SPAG16: variants seen among roughly 807,000 people sequenced by gnomAD.
SPAG16 encodes sperm-associated antigen 16 protein.
SPAG16 carries 86 observed loss-of-function variants against 80.4 expected under a neutral mutation model. That is an observed-to-expected ratio of 1.07 (90% CI 0.90 to 1.28). SPAG16 has a LOEUF of 1.28. Ranked by LOEUF, SPAG16 falls within the 50% of genes most tolerant of loss-of-function variation. The pLI is 0.00. For missense variants in SPAG16, 870 were observed against 765.3 expected (o/e 1.14, Z -1.61); for synonymous variants, 294 against 265.9 (o/e 1.11, Z -1.03).
intron 12 of SPAG16, among the ~76,000 whole-genome samples, chr2:213,954,479 TG>T (rs976696393): frequency 1.3e-5 from 2 of 152,148 alleles, no homozygotes; most frequent in African/African-American, 4.8e-5. Context: ...TACAGGTTTT[TG>T]TTTGGACATA....
At chr2:214,317,580 A>G (rs1439006861) in intron 15 of SPAG16, among the ~76,000 whole-genome samples, 2 of 152,266 alleles carry the variant, frequency 1.3e-5, no homozygotes, top group African/African-American at 4.8e-5. Flanking sequence ...AATGTAAAAA[A>G]TGGAAGCTTT....
intron 11 of SPAG16, among the ~76,000 whole-genome samples, 176 bp from the exon 12 acceptor site, chr2:213,929,784 A>C (rs184249842): frequency 2.6e-4 from 39 of 152,334 alleles, no homozygotes; most frequent in Admixed American, 1.4e-3. Context: ...AAGCAATTCA[A>C]GTTAGCAATT....
intron 13 of SPAG16, among the ~76,000 whole-genome samples, chr2:214,051,048 C>A (rs1226678870): frequency 6.6e-6 from 1 of 152,168 alleles, no homozygotes; most frequent in Non-Finnish European, 1.5e-5. Flanking sequence ...ACCATGCAAT[C>A]ATAGCAGTGT....
At chr2:213,912,050 A>T (rs1034810470) in intron 11 of SPAG16, among the ~76,000 whole-genome samples, 3 of 152,158 alleles carry the variant, frequency 2.0e-5, no homozygotes, top group African/African-American at 7.2e-5. Flanking sequence ...TAGCTAGGTT[A>T]TTCTGTAAAC....
intron 9 of SPAG16, among the ~76,000 whole-genome samples, chr2:213,487,814 T>G (rs952655137): frequency 2.8e-4 from 42 of 152,036 alleles, no homozygotes; most frequent in Admixed American, 2.6e-3. Context: ...GGATCCATCT[T>G]GCTATATTTT....
At chr2:213,372,526 G>A (rs1226053169) in intron 8 of SPAG16, among the ~76,000 whole-genome samples, 1 of 152,030 alleles carries the variant, frequency 6.6e-6, no homozygotes. Context: ...TTGCTGCTCA[G>A]AATTGCATTA....
intron 10 of SPAG16, among the ~76,000 whole-genome samples, chr2:213,639,337 C>G (rs994741829): frequency 6.6e-6 from 1 of 152,072 alleles, no homozygotes; most frequent in African/African-American, 2.4e-5. Flanking sequence ...TTTTATAGGT[C>G]CTATGAGATT....
intron 9 of SPAG16, among the ~76,000 whole-genome samples, chr2:213,409,388 TAAAA>T (rs1297188668): frequency 6.6e-6 from 1 of 152,168 alleles, no homozygotes; most frequent in African/African-American, 2.4e-5. Flanking sequence ...ATTAACAGGT[TAAAA>T]AATATATATT....
chr2:214,231,853 CTT>C (rs1390534449), intron 15 of SPAG16, among the ~76,000 whole-genome samples: 1 of 151,972 alleles, frequency 6.6e-6, no homozygotes, highest in Non-Finnish European at 1.5e-5. Context: ...TTCAATGTGA[CTT>C]TTATTTCTTT....
chr2:213,676,746 G>T (rs1264621612), intron 10 of SPAG16, among the ~76,000 whole-genome samples: 1 of 150,652 alleles, frequency 6.6e-6, no homozygotes, highest in Non-Finnish European at 1.5e-5. Context: ...CTTGATCATG[G>T]TGGATAAGCT....
In SPAG16 at chr2:213,768,038, T is replaced by A. The variant is rs934832611; in HGVS notation, c.1071-94447T>A. 7.2e-5 allele frequency among the ~76,000 whole-genome samples: 11 copies of A among 152,300 alleles called. No individual in the cohort carries two copies. In the East Asian group the frequency reaches 1.9e-3, roughly 27 times the overall value. ...TTTGGCAATGGTGGGTAAGTTTGACTGCTTTTTAAGATCTTATCCCCAAAT... is the reference window on the plus strand; with the variant it reads ...TTTGGCAATGGTGGGTAAGTTTGACAGCTTTTTAAGATCTTATCCCCAAAT... On this transcript the variant is annotated intron_variant, in intron 10 of 15. Transcript: ENST00000331683.
intron 10 of SPAG16, among the ~76,000 whole-genome samples, chr2:213,502,463 A>C (rs1271945460): frequency 6.6e-6 from 1 of 152,160 alleles, no homozygotes; most frequent in African/African-American, 2.4e-5. Flanking sequence ...TTTATAAATA[A>C]AAATATTTTA....
intron 1 of SPAG16, among the ~76,000 whole-genome samples, chr2:213,294,066 T>C (rs1350887328): frequency 1.3e-5 from 2 of 152,290 alleles, no homozygotes; most frequent in African/African-American, 2.4e-5. Context: ...GCAACGTTGA[T>C]GAACATCCCC....
At chr2:214,396,303 T>C (rs1416199176) in intron 15 of SPAG16, among the ~76,000 whole-genome samples, 1 of 152,150 alleles carries the variant, frequency 6.6e-6, no homozygotes, top group Non-Finnish European at 1.5e-5. Context: ...TGATTATATT[T>C]AGTATCTTCA....
At chr2:213,700,567 A>G (rs2065361623) in intron 10 of SPAG16, among the ~76,000 whole-genome samples, 1 of 152,192 alleles carries the variant, frequency 6.6e-6, no homozygotes, top group Admixed American at 6.5e-5. Flanking sequence ...TGAAGGGATA[A>G]TCATGCTATG....
chr2:213,593,008 T>C (rs914655805), intron 10 of SPAG16, among the ~76,000 whole-genome samples: 1 of 145,728 alleles, frequency 6.9e-6, no homozygotes, highest in Non-Finnish European at 1.5e-5. Flanking sequence ...AACACCACCA[T>C]GTTTTCCTGA....
chr2:214,175,235 A>G (rs1263845483), intron 15 of SPAG16, among the ~76,000 whole-genome samples: 1 of 104,114 alleles, frequency 9.6e-6, no homozygotes, highest in African/African-American at 3.0e-5. Context: ...ATATATATAT[A>G]TAAAGAAATG....
chr2:214,313,681 CT>C (rs1695483988), intron 15 of SPAG16, among the ~76,000 whole-genome samples: 2 of 152,004 alleles, frequency 1.3e-5, no homozygotes. Context: ...CACATGACCT[CT>C]TTGCAATTCT....
Position 213,532,756 on chromosome 2 carries a change from C to G in SPAG16, c.1070+42666C>G, listed in dbSNP as rs2076116651. ...GATTACAGGCATGAGCCATCGCACT[C>G]AGCTGTGTTTAACTGAATTTCTAAA... is the stretch of plus-strand genomic sequence containing the variant. On this transcript the variant is annotated intron_variant, in intron 10 of 15. Transcript: ENST00000331683. 2.0e-5 allele frequency among the ~76,000 whole-genome samples: 3 copies of G among 151,978 alleles called. No individual in the cohort carries two copies. In the South Asian group the frequency reaches 6.2e-4, roughly 31 times the overall value.
Sources: allele counts gnomAD v4.1 joint callset (sites outside exome capture counted in the v4.1 genomes callset), GRCh38; gene constraint gnomAD v4.1.1; transcripts MANE v1.5; gene names NCBI Gene and HGNC (gene_info 2026-07-23, HGNC 2026-07-21).